TASP1: variants seen among roughly 807,000 people sequenced by gnomAD.
TASP1 encodes the protein taspase 1.
In TASP1, 16 loss-of-function variants were observed where a neutral mutation model predicts 56.6. That is an observed-to-expected ratio of 0.28 (90% CI 0.19 to 0.43). TASP1 has a LOEUF of 0.43. TASP1 is among the 20% of genes least tolerant of loss of function. TASP1 has a pLI of 1.00. For missense variants in TASP1, 393 were observed against 511.6 expected, an observed-to-expected ratio of 0.77 and a Z score of 2.24; for synonymous variants, 179 against 184.2, an observed-to-expected ratio of 0.97 and a Z score of 0.23.
the TASP1 span, among the ~76,000 whole-genome samples, chr20:13,297,532 A>T: frequency 6.6e-6 from 1 of 152,194 alleles, no homozygotes; most frequent in Admixed American, 6.5e-5. Context: ...CCTGAGACTC[A>T]CTAAACCTGA....
the TASP1 span, among the ~76,000 whole-genome samples, chr20:13,194,579 G>A: frequency 7.7e-6 from 1 of 130,622 alleles, no homozygotes. Context: ...GTGTGTGTGT[G>A]TGTGTGTATG....
At chr20:13,219,977 A>T in the TASP1 span, among the ~76,000 whole-genome samples, 83 of 152,280 alleles carry the variant, frequency 5.5e-4, no homozygotes, top group East Asian at 5.2e-3. Flanking sequence ...GCGTGCCGTC[A>T]AGAAAGAGTT....
chr20:13,143,233 C>T, the TASP1 span, among the ~76,000 whole-genome samples: 1 of 152,092 alleles, frequency 6.6e-6, no homozygotes, highest in African/African-American at 2.4e-5. Flanking sequence ...GTTATGTAGA[C>T]AAGAGGGACC....
the TASP1 span, chr20:13,164,836 A>G: frequency 6.2e-7 from 1 of 1,613,738 alleles, no homozygotes; most frequent in Non-Finnish European, 8.5e-7. Context: ...CCTGAGCTCT[A>G]TGATGAGACG....
the TASP1 span, among the ~76,000 whole-genome samples, chr20:13,354,222 A>G: frequency 5.1e-4 from 77 of 152,336 alleles, no homozygotes; most frequent in African/African-American, 1.7e-3. Context: ...ATAATCTAAA[A>G]GATTCAAGAT....
intron 6 of TASP1, among the ~76,000 whole-genome samples, chr20:13,571,127 T>C (rs1403516692): frequency 6.6e-6 from 1 of 152,220 alleles, no homozygotes; most frequent in East Asian, 1.9e-4. Context: ...TAAAATCAAT[T>C]TGCTATTGTC....
At chr20:13,341,945 T>C in the TASP1 span, among the ~76,000 whole-genome samples, 4 of 152,184 alleles carry the variant, frequency 2.6e-5, no homozygotes, top group African/African-American at 9.6e-5. Flanking sequence ...GTTCACTTTG[T>C]GGTCACAAGA....
chr20:13,601,084 T>G (rs967127474), intron 4 of TASP1, among the ~76,000 whole-genome samples: 13 of 152,286 alleles, frequency 8.5e-5, no homozygotes, highest in African/African-American at 3.1e-4. Context: ...GAGACCAGCC[T>G]GGGCAACACA....
At chr20:13,330,022 T>C in the TASP1 span, among the ~76,000 whole-genome samples, 1 of 151,992 alleles carries the variant, frequency 6.6e-6, no homozygotes, top group African/African-American at 2.4e-5. Context: ...AGTGACACAA[T>C]CTCAACTCAC....
chr20:13,607,112 T>A (rs909084741), intron 4 of TASP1, among the ~76,000 whole-genome samples: 1 of 152,224 alleles, frequency 6.6e-6, no homozygotes, highest in Non-Finnish European at 1.5e-5. Context: ...AACAGTATTT[T>A]CTGTTTCTAA....
At chr20:13,377,918 T>C in the TASP1 span, among the ~76,000 whole-genome samples, 1 of 152,234 alleles carries the variant, frequency 6.6e-6, no homozygotes. Context: ...TCAGTGATGA[T>C]ATCCCCTTTA....
At chr20:13,519,466 C>T (rs1244444396) in intron 10 of TASP1, among the ~76,000 whole-genome samples, 22 of 152,264 alleles carry the variant, frequency 1.4e-4, no homozygotes, top group Non-Finnish European at 2.9e-5. Context: ...GCTGGTTCAA[C>T]ATACGAAAAT....
chr20:13,477,012 G>A (rs946258198), intron 11 of TASP1, among the ~76,000 whole-genome samples: 10 of 152,098 alleles, frequency 6.6e-5, no homozygotes, highest in Admixed American at 6.6e-4. Flanking sequence ...CCCTGGAAAA[G>A]AGAACATTAT....
At chr20:13,328,644 G>A in the TASP1 span, among the ~76,000 whole-genome samples, 3,744 of 152,226 alleles carry the variant, frequency 0.025, 67 homozygotes, top group Non-Finnish European at 0.037. Flanking sequence ...GAATGAGATC[G>A]TGCCTTTGCA....
the TASP1 span, among the ~76,000 whole-genome samples, chr20:13,310,956 G>A: frequency 9.2e-5 from 14 of 152,250 alleles, no homozygotes; most frequent in Admixed American, 1.3e-4. Context: ...CACTTTGGGA[G>A]GCTGAGGCGA....
At chr20:13,514,614 G>A (rs1461046490) in intron 10 of TASP1, among the ~76,000 whole-genome samples, 1 of 152,094 alleles carries the variant, frequency 6.6e-6, no homozygotes, top group East Asian at 1.9e-4. Context: ...TGTAGGTACA[G>A]GCAGACCTAA....
chr20:13,140,360 G>A, the TASP1 span, among the ~76,000 whole-genome samples: 5 of 152,118 alleles, frequency 3.3e-5, no homozygotes, highest in African/African-American at 1.2e-4. Flanking sequence ...TAGACGAAAA[G>A]GAAGCTAATA....
chr20:13,622,359 G>A (rs2048746164), intron 4 of TASP1, among the ~76,000 whole-genome samples: 1 of 152,088 alleles, frequency 6.6e-6, no homozygotes, highest in African/African-American at 2.4e-5. Context: ...ATATCAGGAG[G>A]GCATCACACA....
chr20:13,384,983 A>G (rs935831506), downstream of TASP1, among the ~76,000 whole-genome samples: 4 of 152,316 alleles, frequency 2.6e-5, no homozygotes, highest in East Asian at 1.9e-4. Flanking sequence ...TTGAGCGTTT[A>G]TAGGATTTAT....
Sources: allele counts gnomAD v4.1 joint callset (sites outside exome capture counted in the v4.1 genomes callset), GRCh38; gene constraint gnomAD v4.1.1; transcripts MANE v1.5; gene names NCBI Gene and HGNC (gene_info 2026-07-23, HGNC 2026-07-21).